The following SND1 variants were observed in gnomAD, a reference collection of about 807,000 sequenced individuals.
SND1 encodes staphylococcal nuclease domain-containing protein 1.
A neutral mutation model predicts 121.7 loss-of-function variants in SND1; 38 were observed. That is an observed-to-expected ratio of 0.31 (90% CI 0.24 to 0.41). The LOEUF (loss-of-function observed/expected upper bound fraction) is 0.41. Ranked by LOEUF, SND1 falls within the 10% of genes least tolerant of loss-of-function variation. SND1 has a pLI of 1.00. For synonymous variants in SND1, 401 were observed against 447.4 expected, an observed-to-expected ratio of 0.90 and a Z score of 1.31; for missense variants, 868 against 1,184.6, an observed-to-expected ratio of 0.73 and a Z score of 3.92.
At chr7:127,742,758 G>A (rs1796908459) in intron 10 of SND1, among the ~76,000 whole-genome samples, 3 of 152,138 alleles carry the variant, frequency 2.0e-5, no homozygotes, top group South Asian at 4.1e-4. Context: ...ATGAGGAGGG[G>A]CACAAAGGTA....
intron 9 of SND1, among the ~76,000 whole-genome samples, chr7:127,719,923 A>G (rs1796462480): frequency 6.6e-6 from 1 of 151,954 alleles, no homozygotes; most frequent in Non-Finnish European, 1.5e-5. Context: ...GTTACATATA[A>G]TTTCTCACTT....
intron 10 of SND1, among the ~76,000 whole-genome samples, chr7:127,769,395 G>C (rs1449334505): frequency 6.6e-6 from 1 of 152,206 alleles, no homozygotes; most frequent in African/African-American, 2.4e-5. Flanking sequence ...CAGCCCTGTT[G>C]AATTCTTTGT....
rs181339912 is a variant in SND1, at chr7:127,831,349, G to A, written c.1243-12975G>A. ...CACTCTTTTCCAGCTCTCTCTGAAG[G>A]GCTGCAGCTAGGTATAACAAACATC... is the stretch of plus-strand genomic sequence containing the variant. On this transcript the variant is annotated intron_variant, in intron 11 of 23. Transcript: ENST00000354725. Among the ~76,000 whole-genome samples, 9 of 152,268 alleles carry A rather than the reference G, an allele frequency of 5.9e-5. No homozygotes were observed. In the East Asian group the frequency reaches 1.5e-3, roughly 26 times the overall value.
intron 12 of SND1, among the ~76,000 whole-genome samples, chr7:127,876,262 C>T (rs1488823036): frequency 1.3e-5 from 2 of 152,032 alleles, no homozygotes; most frequent in Non-Finnish European, 2.9e-5. Context: ...GATTACTTGC[C>T]AACCTAATCC....
chr7:127,899,215 C>A (rs912985104), intron 13 of SND1, among the ~76,000 whole-genome samples: 2 of 151,976 alleles, frequency 1.3e-5, no homozygotes, highest in East Asian at 1.9e-4. Context: ...ACACATGAAA[C>A]AATTTGAAAG....
chr7:128,070,653 T>C (rs1221200057), intron 16 of SND1, among the ~76,000 whole-genome samples: 1 of 152,198 alleles, frequency 6.6e-6, no homozygotes, highest in Non-Finnish European at 1.5e-5. Context: ...AGAAATTTCT[T>C]GTCTATTTAC....
intron 10 of SND1, among the ~76,000 whole-genome samples, chr7:127,774,580 A>T (rs1238474056): frequency 3.5e-4 from 49 of 139,198 alleles, no homozygotes; most frequent in Middle Eastern, 3.6e-3. Flanking sequence ...ATTTTTTATC[A>T]TTTTTTTTTT....
At chr7:127,763,954 G>A (rs1484720220) in intron 10 of SND1, among the ~76,000 whole-genome samples, 1 of 148,434 alleles carries the variant, frequency 6.7e-6, no homozygotes, top group African/African-American at 2.5e-5. Context: ...TGCAGTCCCA[G>A]CTACTTTGGA....
chr7:128,089,161 T>A (rs1045528838), intron 21 of SND1, among the ~76,000 whole-genome samples: 10 of 152,108 alleles, frequency 6.6e-5, no homozygotes, highest in African/African-American at 2.2e-4. Flanking sequence ...TTCAAGCGAT[T>A]CTCGTGCCGC....
At chr7:127,774,528 G>C (rs540851977) in intron 10 of SND1, among the ~76,000 whole-genome samples, 4 of 151,902 alleles carry the variant, frequency 2.6e-5, no homozygotes, top group Non-Finnish European at 5.9e-5. Flanking sequence ...CACAGTCATG[G>C]AACACGCTGT....
chr7:127,943,925 C>T (rs1801270460), intron 15 of SND1, among the ~76,000 whole-genome samples: 1 of 152,214 alleles, frequency 6.6e-6, no homozygotes, highest in African/African-American at 2.4e-5. Flanking sequence ...CTGCCAGTCA[C>T]TCCTCATCCT....
At chr7:127,706,970 G>A (rs1055557230) in intron 8 of SND1, among the ~76,000 whole-genome samples, 1 of 152,062 alleles carries the variant, frequency 6.6e-6, no homozygotes, top group African/African-American at 2.4e-5. Context: ...TTTAATCTTT[G>A]CACATATTCC....
chr7:127,759,860 C>T (rs1230531616), intron 10 of SND1, among the ~76,000 whole-genome samples: 3 of 152,162 alleles, frequency 2.0e-5, no homozygotes, highest in Non-Finnish European at 4.4e-5. Context: ...CTTCTGTTAC[C>T]TTTAATGTAT....
At chr7:127,882,407 G>C (rs1173835284) in intron 12 of SND1, among the ~76,000 whole-genome samples, 2 of 111,366 alleles carry the variant, frequency 1.8e-5, no homozygotes, top group Admixed American at 1.9e-4. Flanking sequence ...AGGGAGGGAC[G>C]GAGGAGAAAA....
intron 16 of SND1, among the ~76,000 whole-genome samples, chr7:128,033,288 C>T (rs903308814): frequency 3.3e-5 from 5 of 152,158 alleles, no homozygotes; most frequent in African/African-American, 1.2e-4. Context: ...TGAAAAAAGA[C>T]TGCCCCTTTC....
intron 16 of SND1, among the ~76,000 whole-genome samples, chr7:128,043,530 T>G (rs1242092026): frequency 6.6e-6 from 1 of 151,844 alleles, no homozygotes; most frequent in Non-Finnish European, 1.5e-5. Flanking sequence ...GCCGAGATTG[T>G]GCCACTGCAT....
In SND1 at chr7:127,706,643, T is replaced by A. The variant is rs806127; in HGVS notation, c.948-914T>A. 8.3e-3 allele frequency among the ~76,000 whole-genome samples: 1,258 copies of A among 152,196 alleles called. 5 individuals are homozygous for A. Among genetic ancestry groups the A allele is most frequent in the Non-Finnish European group, 0.014 (925 of 68,008 alleles). On this transcript the variant is annotated intron_variant, in intron 8 of 23. Coordinates refer to ENST00000354725, the MANE Select transcript of SND1 (RefSeq NM_014390.4). ...TGACATCGGTAGAAGATTTTATGGA[T>A]TTTTTGGGGGAGTGCTCATCATTAA...
intron 12 of SND1, among the ~76,000 whole-genome samples, chr7:127,882,673 T>G (rs1243386550): frequency 6.6e-6 from 1 of 152,134 alleles, no homozygotes; most frequent in Non-Finnish European, 1.5e-5. Context: ...TACTTGACTG[T>G]CTCATTCATT....
At chr7:128,014,159 C>T (rs1584738065) in intron 16 of SND1, among the ~76,000 whole-genome samples, 1 of 152,210 alleles carries the variant, frequency 6.6e-6, no homozygotes, top group East Asian at 1.9e-4. Flanking sequence ...ACTTCAGGAA[C>T]AGTCACTCAG....
Sources: allele counts gnomAD v4.1 joint callset (sites outside exome capture counted in the v4.1 genomes callset), GRCh38; gene constraint gnomAD v4.1.1; transcripts MANE v1.5; gene names NCBI Gene and HGNC (gene_info 2026-07-23, HGNC 2026-07-21).